The following NAALADL2 variants were observed in gnomAD, a reference collection of about 807,000 sequenced individuals.
NAALADL2 encodes the protein N-acetylated alpha-linked acidic dipeptidase like 2, also known as inactive N-acetylated-alpha-linked acidic dipeptidase-like protein 2.
A neutral mutation model predicts 87.2 loss-of-function variants in NAALADL2; 76 were observed. That is an observed-to-expected ratio of 0.87 (90% confidence interval 0.72 to 1.05). NAALADL2 has a LOEUF of 1.05. Ranked by LOEUF, NAALADL2 falls within the 50% of genes least tolerant of loss-of-function variation. The probability of loss-of-function intolerance (pLI) is 0.00; values close to 1 mark genes in which losing one functional copy is unlikely to be tolerated. For synonymous variants in NAALADL2, 354 were observed against 331.0 expected, an observed-to-expected ratio of 1.07 and a Z score of -0.75; for missense variants, 1,089 against 945.8, an observed-to-expected ratio of 1.15 and a Z score of -1.99.
chr3:174,944,836 T>C (rs1272882582), intron 1 of NAALADL2, among the ~76,000 whole-genome samples: 1 of 152,094 alleles, frequency 6.6e-6, no homozygotes, highest in Non-Finnish European at 1.5e-5. Context: ...TGTCACCACT[T>C]CCCTGGGCAG....
intron 1 of NAALADL2, among the ~76,000 whole-genome samples, chr3:175,051,387 A>C (rs761520154): frequency 1.2e-4 from 18 of 152,128 alleles, no homozygotes; most frequent in Non-Finnish European, 2.2e-4. Flanking sequence ...ACAAGGCAAC[A>C]TTCAAGTCTG....
At chr3:174,902,139 T>G (rs765395242) in intron 1 of NAALADL2, among the ~76,000 whole-genome samples, 17 of 152,142 alleles carry the variant, frequency 1.1e-4, no homozygotes, top group Non-Finnish European at 2.4e-4. Context: ...GGACCACTCT[T>G]TGTGTAGCAT....
At chr3:175,320,358 G>T (rs1759688562) in intron 4 of NAALADL2, among the ~76,000 whole-genome samples, 1 of 152,178 alleles carries the variant, frequency 6.6e-6, no homozygotes, top group African/African-American at 2.4e-5. Flanking sequence ...CGTTAAATAT[G>T]TCTCAAATGA....
At chr3:175,659,157 TATGCCTAA>T (rs1349642077) in intron 11 of NAALADL2, among the ~76,000 whole-genome samples, 3 of 152,212 alleles carry the variant, frequency 2.0e-5, no homozygotes, top group African/African-American at 7.2e-5. Flanking sequence ...GTGAAAATCA[TATGCCTAA>T]CATATAGCAA....
At chr3:175,313,517 A>G (rs1011953014) in intron 4 of NAALADL2, among the ~76,000 whole-genome samples, 7 of 152,182 alleles carry the variant, frequency 4.6e-5, no homozygotes, top group Non-Finnish European at 8.8e-5. Context: ...TCAGGATGCC[A>G]TATATTCTGA....
At chr3:175,227,002 AC>A (rs1307887131) in intron 2 of NAALADL2, among the ~76,000 whole-genome samples, 1 of 152,102 alleles carries the variant, frequency 6.6e-6, no homozygotes, top group Non-Finnish European at 1.5e-5. Flanking sequence ...GAAATGTTTG[AC>A]TTTTTAATAC....
intron 5 of NAALADL2, among the ~76,000 whole-genome samples, chr3:175,336,722 G>C (rs768185025): frequency 6.6e-6 from 1 of 152,088 alleles, no homozygotes; most frequent in African/African-American, 2.4e-5. Flanking sequence ...CTAGAGTCTG[G>C]AAAATCAGTG....
intron 9 of NAALADL2, among the ~76,000 whole-genome samples, chr3:175,526,808 C>T (rs1033118360): frequency 1.1e-4 from 17 of 152,040 alleles, no homozygotes; most frequent in Admixed American, 6.6e-5. Flanking sequence ...CGGGGAAAAC[C>T]GAGAGCATTA....
At chr3:174,765,934 C>CT (rs1713752824) in intron 3 of NAALADL2, among the ~76,000 whole-genome samples, 1 of 152,112 alleles carries the variant, frequency 6.6e-6, no homozygotes, top group Non-Finnish European at 1.5e-5. Context: ...TGACTGTTGC[C>CT]GGCTTGAGTG....
intron 3 of NAALADL2, among the ~76,000 whole-genome samples, chr3:174,823,902 G>A (rs1045192719): frequency 9.9e-5 from 15 of 152,154 alleles, no homozygotes; most frequent in African/African-American, 3.6e-4. Flanking sequence ...GTAGATACGA[G>A]ATTTCACTAT....
At chr3:175,101,103 C>G (rs1411908802) in intron 2 of NAALADL2, among the ~76,000 whole-genome samples, 2 of 152,068 alleles carry the variant, frequency 1.3e-5, no homozygotes, top group Non-Finnish European at 2.9e-5. Flanking sequence ...AGAGCACACA[C>G]CGGAAAAAAT....
At chr3:175,235,206 C>A (rs1194198105) in intron 3 of NAALADL2, 1 of 151,900 alleles carries the variant, frequency 6.6e-6, no homozygotes, top group Non-Finnish European at 1.5e-5. Flanking sequence ...ATGTTTAAAT[C>A]ATTTAAAATT....
At chr3:175,185,118 T>G (rs894537928) in intron 2 of NAALADL2, among the ~76,000 whole-genome samples, 1 of 152,070 alleles carries the variant, frequency 6.6e-6, no homozygotes, top group African/African-American at 2.4e-5. Flanking sequence ...GCTGGGAAGA[T>G]ACTCTGATGC....
At chr3:174,580,678 A>C (rs949190149) in intron 2 of NAALADL2, among the ~76,000 whole-genome samples, 2 of 152,046 alleles carry the variant, frequency 1.3e-5, no homozygotes, top group African/African-American at 4.8e-5. Flanking sequence ...AATATATATC[A>C]ATACTTCATT....
intron 2 of NAALADL2, among the ~76,000 whole-genome samples, chr3:175,188,665 G>A (rs955241474): frequency 6.6e-6 from 1 of 152,138 alleles, no homozygotes; most frequent in Admixed American, 6.5e-5. Context: ...GGCTCCCCAG[G>A]AAGTGGGGTC....
At chr3:175,590,925 G>A (rs1252996054) in intron 10 of NAALADL2, among the ~76,000 whole-genome samples, 1 of 152,092 alleles carries the variant, frequency 6.6e-6, no homozygotes, top group South Asian at 2.1e-4. Flanking sequence ...GGATGAAGGG[G>A]GGTGCGAATT....
intron 2 of NAALADL2, among the ~76,000 whole-genome samples, chr3:175,100,925 C>G (rs975661693): frequency 4.0e-5 from 6 of 150,488 alleles, no homozygotes; most frequent in African/African-American, 1.5e-4. Context: ...TGGATTCTAT[C>G]TGGGTTGAGA....
chr3:175,320,133 C>T (rs1466516124), intron 4 of NAALADL2, among the ~76,000 whole-genome samples: 1 of 152,060 alleles, frequency 6.6e-6, no homozygotes, highest in Non-Finnish European at 1.5e-5. Context: ...AATTACTTTT[C>T]CTCTCTCTTG....
chr3:174,748,791 T>G (rs1734533949), intron 3 of NAALADL2, among the ~76,000 whole-genome samples: 1 of 152,158 alleles, frequency 6.6e-6, no homozygotes, highest in Non-Finnish European at 1.5e-5. Flanking sequence ...GTTAACAAGG[T>G]TTGACTAAAT....
Sources: gnomAD v4.1 joint callset for allele counts (sites outside exome capture counted in the v4.1 genomes callset) on GRCh38, gnomAD v4.1.1 for gene constraint, MANE v1.5 for transcripts, NCBI Gene and HGNC (gene_info 2026-07-23, HGNC 2026-07-21) for gene names.